The following HS3ST2 variants were observed in gnomAD, a reference collection of about 807,000 sequenced individuals.
HS3ST2 encodes the protein heparan sulfate glucosamine 3-O-sulfotransferase 2.
In HS3ST2, 17 loss-of-function variants were observed where a neutral mutation model predicts 26.3. The ratio of observed to expected loss-of-function variants is 0.65; its 90% CI spans 0.44 to 0.97. HS3ST2 has a LOEUF of 0.97. Among genes scored for constraint, HS3ST2 ranks in the 50% least tolerant of loss-of-function variants. HS3ST2 has a pLI of 0.00. For synonymous variants in HS3ST2, 237 were observed against 219.2 expected (o/e 1.08, Z -0.72); for missense variants, 402 against 501.2 (o/e 0.80, Z 1.89).
Position 22,861,885 on chromosome 16 carries a change from T to G in HS3ST2, c.485+46790T>G, listed in dbSNP as rs189741572. Among the ~76,000 whole-genome samples, 16 of 152,226 alleles carry G rather than the reference T, an allele frequency of 1.1e-4. No individual in the cohort carries two copies. In the East Asian group the frequency reaches 3.1e-3, roughly 29 times the overall value. On this transcript the variant is annotated intron_variant, in intron 1 of 1. Transcript: ENST00000261374. Reference sequence around the variant, plus strand: ...GCACTGGTCTCCTAAAGAGCTCTGCTCCCCAGTCTCAGCCTCCTCTCATCA... The same window carrying G: ...GCACTGGTCTCCTAAAGAGCTCTGCGCCCCAGTCTCAGCCTCCTCTCATCA...
At chr16:22,852,566 T>C (rs537129626) in intron 1 of HS3ST2, among the ~76,000 whole-genome samples, 1 of 152,272 alleles carries the variant, frequency 6.6e-6, no homozygotes, top group Non-Finnish European at 1.5e-5. Flanking sequence ...CAAAGATTCC[T>C]CCCTCAAGCT....
intron 1 of HS3ST2, among the ~76,000 whole-genome samples, chr16:22,856,930 A>G (rs950035707): frequency 6.6e-6 from 1 of 152,214 alleles, no homozygotes; most frequent in African/African-American, 2.4e-5. Context: ...ATTCAAGGGT[A>G]AAAATGAAAA....
At chr16:22,885,707 C>T (rs1195052719) in intron 1 of HS3ST2, among the ~76,000 whole-genome samples, 1 of 152,052 alleles carries the variant, frequency 6.6e-6, no homozygotes, top group South Asian at 2.1e-4. Flanking sequence ...TCACTTGCCT[C>T]GGCCTCCCAA....
intron 1 of HS3ST2, among the ~76,000 whole-genome samples, chr16:22,843,306 A>G (rs1288540895): frequency 1.3e-5 from 2 of 152,078 alleles, no homozygotes; most frequent in East Asian, 3.9e-4. Flanking sequence ...ACACCAGCTG[A>G]CTGTCCTCTA....
chr16:22,905,249 C>A (rs149756294), intron 1 of HS3ST2, among the ~76,000 whole-genome samples: 1 of 152,270 alleles, frequency 6.6e-6, no homozygotes, highest in Non-Finnish European at 1.5e-5. Flanking sequence ...CCGATGATGG[C>A]CCGACATCAG....
intron 1 of HS3ST2, among the ~76,000 whole-genome samples, chr16:22,905,747 A>G (rs1375507498): frequency 2.0e-5 from 3 of 152,182 alleles, no homozygotes; most frequent in Non-Finnish European, 4.4e-5. Flanking sequence ...CAGGGACAGT[A>G]AACATGCAAA....
chr16:22,855,730 T>TCTCTCTCTCTCTC (rs1901585223), intron 1 of HS3ST2, among the ~76,000 whole-genome samples: 2 of 87,908 alleles, frequency 2.3e-5, no homozygotes, highest in African/African-American at 4.6e-5. Context: ...CTCTCTCTCT[T>TCTCTCTCTCTCTC]TCTCCTCTCC....
chr16:22,853,463 G>C (rs1358209877), intron 1 of HS3ST2, among the ~76,000 whole-genome samples: 2 of 152,212 alleles, frequency 1.3e-5, no homozygotes, highest in Non-Finnish European at 2.9e-5. Flanking sequence ...AGGAATCCGT[G>C]AATGGGTAAA....
At chr16:22,846,093 C>A (rs1464511058) in intron 1 of HS3ST2, among the ~76,000 whole-genome samples, 4 of 152,164 alleles carry the variant, frequency 2.6e-5, no homozygotes, top group African/African-American at 9.7e-5. Flanking sequence ...GCCTGACCAA[C>A]ATGGTGAAAC....
At chr16:22,846,905 A>T (rs1901441547) in intron 1 of HS3ST2, among the ~76,000 whole-genome samples, 2 of 152,198 alleles carry the variant, frequency 1.3e-5, no homozygotes, top group South Asian at 2.1e-4. Flanking sequence ...AAAAGTGGGG[A>T]TACACAGCGT....
chr16:22,824,566 A>G (rs1195932151), intron 1 of HS3ST2, among the ~76,000 whole-genome samples: 1 of 152,144 alleles, frequency 6.6e-6, no homozygotes, highest in Non-Finnish European at 1.5e-5. Context: ...AAACAAACAA[A>G]CAAACAAACA....
At chr16:22,826,683 G>C (rs1306490445) in intron 1 of HS3ST2, among the ~76,000 whole-genome samples, 2 of 152,184 alleles carry the variant, frequency 1.3e-5, no homozygotes, top group Non-Finnish European at 2.9e-5. Flanking sequence ...TCTTAGCAAT[G>C]AGGGATGATT....
In HS3ST2 at chr16:22,915,880, ATAT is replaced by A; in HGVS notation, c.*322_*324del. The stretch of plus-strand genomic sequence containing the variant: ...AGAGTGAATGTTCCAATGATGATAG[ATAT>A]TATAAGCGATGATGGTTCTGTTGCT... On this transcript the variant is annotated 3_prime_UTR_variant, in exon 2 of 2. Coordinates refer to ENST00000261374, the MANE Select transcript of HS3ST2 (RefSeq NM_006043.2). 1 of 324,008 alleles carries A rather than the reference ATAT, an allele frequency of 3.1e-6. No individual in the cohort carries two copies. Among genetic ancestry groups the A allele is most frequent in the East Asian group, 6.0e-5 (1 of 16,610 alleles). The allele number at this position is 324,008 out of a possible 1,614,324, so 20.1% of individuals were successfully genotyped here. A position where few individuals can be genotyped will look rare whatever the true frequency, so the allele number is the denominator to read the frequency against.
At chr16:22,888,389 T>TTTTTCTTTTC (rs1902091288) in intron 1 of HS3ST2, among the ~76,000 whole-genome samples, 2 of 143,852 alleles carry the variant, frequency 1.4e-5, no homozygotes, top group Non-Finnish European at 3.1e-5. Context: ...TTTTTTTTTT[T>TTTTTCTTTTC]TTTCTTTTTT....
intron 1 of HS3ST2, among the ~76,000 whole-genome samples, chr16:22,894,649 G>C (rs902287804): frequency 6.6e-6 from 1 of 151,724 alleles, no homozygotes; most frequent in African/African-American, 2.4e-5. Flanking sequence ...TGCAATCCCA[G>C]CCACTTTGGG....
At chr16:22,880,245 C>T (rs1209354136) in intron 1 of HS3ST2, among the ~76,000 whole-genome samples, 2 of 151,946 alleles carry the variant, frequency 1.3e-5, no homozygotes, top group Non-Finnish European at 2.9e-5. Flanking sequence ...ATAGCAAGAC[C>T]CTATCTCTAA....
At chr16:22,821,745 C>A (rs986865881) in intron 1 of HS3ST2, among the ~76,000 whole-genome samples, 2 of 152,136 alleles carry the variant, frequency 1.3e-5, no homozygotes, top group African/African-American at 2.4e-5. Flanking sequence ...GGCTGCATGG[C>A]TGGGCTGAAG....
chr16:22,869,305 C>T (rs1901799505), intron 1 of HS3ST2, among the ~76,000 whole-genome samples: 1 of 152,144 alleles, frequency 6.6e-6, no homozygotes, highest in Non-Finnish European at 1.5e-5. Context: ...CATTAGATAG[C>T]TGTGGGTTCA....
rs1900845190 is a variant in HS3ST2, at chr16:22,815,160, G to T, written c.485+65G>T. The stretch of plus-strand genomic sequence containing the variant: ...ATCGCTTCCATTGGGAGAGCCATCC[G>T]TCTCTTGTGTTTTCTCTTTCTTTTA... On this transcript the variant is annotated intron_variant, in intron 1 of 1. Transcript: ENST00000261374. 7 of 1,579,756 alleles carry T rather than the reference G, an allele frequency of 4.4e-6. No homozygotes were observed. The Admixed American group carries it at 1.4e-4, about 31-fold the overall frequency.
Sources: allele counts gnomAD v4.1 joint callset (sites outside exome capture counted in the v4.1 genomes callset), GRCh38; gene constraint gnomAD v4.1.1; transcripts MANE v1.5; gene names NCBI Gene and HGNC (gene_info 2026-07-23, HGNC 2026-07-21).